Variants in CLGN observed in about 807,000 individuals in gnomAD.
CLGN encodes the protein testis tissue sperm-binding protein Li 79P.
CLGN carries 62 observed loss-of-function variants against 79.1 expected under a neutral mutation model. The observed-to-expected ratio is 0.78, with a 90% CI of 0.64 to 0.97. The LOEUF is 0.97. Ranked by LOEUF, CLGN falls within the 50% of genes least tolerant of loss-of-function variation. The pLI, the probability that CLGN is intolerant of heterozygous loss-of-function variation, is 0.00. For synonymous variants in CLGN, 225 were observed against 224.7 expected (o/e 1.00, Z -0.01); for missense variants, 647 against 715.5 (o/e 0.90, Z 1.09).
At chr4:140,412,607 T>C (rs559712249) in intron 2 of CLGN, among the ~76,000 whole-genome samples, 16 of 152,282 alleles carry the variant, frequency 1.1e-4, no homozygotes, top group African/African-American at 3.6e-4. Context: ...AGCCTTTTAT[T>C]TGAAAAGATC....
intron 1 of CLGN, among the ~76,000 whole-genome samples, chr4:140,418,929 A>G (rs931081650): frequency 2.6e-5 from 4 of 152,338 alleles, no homozygotes; most frequent in African/African-American, 7.2e-5. Flanking sequence ...CATTATTCAC[A>G]ATAGCAAAGA....
intron 1 of CLGN, among the ~76,000 whole-genome samples, chr4:140,423,964 T>C (rs1004121024): frequency 2.0e-5 from 3 of 152,194 alleles, no homozygotes; most frequent in Admixed American, 6.5e-5. Context: ...TTTCGAAGAA[T>C]TAACTCTTGA....
At chr4:140,417,431 T>C (rs1229917562) in intron 1 of CLGN, among the ~76,000 whole-genome samples, 14 of 142,150 alleles carry the variant, frequency 9.8e-5, no homozygotes, top group African/African-American at 3.5e-4. Context: ...GCAGACGACA[T>C]GATTGTATAT....
At chr4:140,412,338 T>C (rs191685510) in intron 2 of CLGN, among the ~76,000 whole-genome samples, 25 of 152,248 alleles carry the variant, frequency 1.6e-4, no homozygotes, top group Non-Finnish European at 2.8e-4. Flanking sequence ...TATCACAAGG[T>C]TAGATATGAA....
intron 2 of CLGN, among the ~76,000 whole-genome samples, 177 bp from the exon 3 acceptor site, chr4:140,410,803 A>G (rs939997211): frequency 1.3e-5 from 2 of 152,046 alleles, no homozygotes; most frequent in African/African-American, 4.8e-5. Context: ...ACAAGAAAAT[A>G]TAACAAATAC....
intron 1 of CLGN, among the ~76,000 whole-genome samples, chr4:140,417,698 A>T (rs1226571910): frequency 6.6e-6 from 1 of 152,094 alleles, no homozygotes; most frequent in Non-Finnish European, 1.5e-5. Flanking sequence ...AATGAAATAA[A>T]AGAGGACACA....
intron 8 of CLGN, among the ~76,000 whole-genome samples, chr4:140,397,632 G>A (rs116520089): frequency 0.06 from 9,096 of 152,094 alleles, 313 homozygotes; most frequent in South Asian, 0.12. Flanking sequence ...TTAGGCTGGC[G>A]TGGTGGCTCA....
intron 11 of CLGN, 117 bp from the exon 12 acceptor site, chr4:140,392,828 G>C (rs990414913): frequency 2.6e-5 from 23 of 899,868 alleles, no homozygotes; most frequent in Non-Finnish European, 3.1e-5. Flanking sequence ...TGATGAACTC[G>C]TAAGTAAAAG....
chr4:140,401,530 T>A (rs1728998832), intron 6 of CLGN, among the ~76,000 whole-genome samples: 4 of 152,162 alleles, frequency 2.6e-5, no homozygotes, highest in Admixed American at 2.6e-4. Flanking sequence ...TAATACAACC[T>A]CTTAGAAGTA....
At chr4:140,402,287 A>G (rs914181644) in intron 5 of CLGN, among the ~76,000 whole-genome samples, 1 of 152,070 alleles carries the variant, frequency 6.6e-6, no homozygotes, top group Non-Finnish European at 1.5e-5. Context: ...TAGAATGATT[A>G]CAATCAACTG....
intron 5 of CLGN, among the ~76,000 whole-genome samples, chr4:140,404,584 A>G (rs17005845): frequency 0.16 from 24,773 of 152,000 alleles, 2,381 homozygotes; most frequent in East Asian, 0.29. Flanking sequence ...GGAGACAAAC[A>G]TTCACTCTCC....
At position 140,399,046 on chromosome 4, in the gene CLGN, G is replaced by A; in HGVS notation, c.695-6C>T. 1 of 1,585,662 alleles carries A rather than the reference G, an allele frequency of 6.3e-7. No homozygotes were observed. The highest frequency in any genetic ancestry group is 1.2e-5 in the South Asian group (1 of 85,302). ...TGTGTCATCTGGATTCATCACTAAG[G>A]GACCAATTTAAATAAATTATAGTTA... is the stretch of plus-strand genomic sequence containing the variant. On this transcript the variant is annotated splice_region_variant and splice_polypyrimidine_tract_variant and intron_variant, in intron 7 of 14. Coordinates refer to ENST00000325617, the MANE Select transcript of CLGN (RefSeq NM_004362.3).
At chr4:140,400,628 A>G (rs1157843136) in intron 6 of CLGN, 79 bp from the exon 7 acceptor site, 5 of 847,696 alleles carry the variant, frequency 5.9e-6, no homozygotes, top group African/African-American at 1.7e-5. Context: ...TCCAATGGGT[A>G]GAGTTTACAA....
chr4:140,414,465 G>A (rs1265829434), intron 1 of CLGN, among the ~76,000 whole-genome samples: 18 of 151,680 alleles, frequency 1.2e-4, no homozygotes, highest in Non-Finnish European at 2.4e-4. Flanking sequence ...AAATTTAGCA[G>A]AATGTATAAC....
rs1729098272 is a variant in CLGN at position 140,405,937 on chromosome 4, C to T, written c.419+5G>A. ...AAAAGTATTCAAAAACATAGCAACACTTACTGAACTATCAAGGGTTTATCA... is the reference window on the plus strand; with the variant it reads ...AAAAGTATTCAAAAACATAGCAACATTTACTGAACTATCAAGGGTTTATCA... On this transcript the variant is annotated splice_donor_5th_base_variant and intron_variant, in intron 5 of 14. Transcript: ENST00000325617. 2 of 1,604,516 alleles carry T rather than the reference C, an allele frequency of 1.2e-6. No homozygotes were observed. Among genetic ancestry groups the T allele is most frequent in the Non-Finnish European group, 1.7e-6 (2 of 1,177,238 alleles).
chr4:140,393,281 G>A (rs1209308847), intron 11 of CLGN, among the ~76,000 whole-genome samples: 5 of 151,994 alleles, frequency 3.3e-5, no homozygotes, highest in Non-Finnish European at 4.4e-5. Context: ...AGTGACCCAA[G>A]GAACCAAATG....
chr4:140,409,719 T>G (rs1409554945), intron 4 of CLGN, 118 bp downstream of exon 4: 2 of 544,014 alleles, frequency 3.7e-6, no homozygotes, highest in Non-Finnish European at 6.5e-6. Flanking sequence ...GACTGAACAT[T>G]TTATTGTGAG....
chr4:140,398,263 CTTTTTT>C (rs1162212217), intron 8 of CLGN, among the ~76,000 whole-genome samples: 14 of 86,798 alleles, frequency 1.6e-4, no homozygotes, highest in African/African-American at 5.6e-4. Flanking sequence ...CAAACATACT[CTTTTTT>C]TTTTTTTTTT....
intron 5 of CLGN, among the ~76,000 whole-genome samples, chr4:140,405,224 G>A (rs1419297997): frequency 1.6e-5 from 2 of 127,752 alleles, no homozygotes; most frequent in Non-Finnish European, 3.2e-5. Context: ...TCGCTCTGTC[G>A]CCCAGGCTGG....
Sources: allele counts gnomAD v4.1 joint callset (sites outside exome capture counted in the v4.1 genomes callset), GRCh38; gene constraint gnomAD v4.1.1; transcripts MANE v1.5; gene names NCBI Gene and HGNC (gene_info 2026-07-23, HGNC 2026-07-21).